TMX4: variants seen among roughly 807,000 people sequenced by gnomAD.
TMX4 encodes the protein thioredoxin-related transmembrane protein 4.
A neutral mutation model predicts 33.3 loss-of-function variants in TMX4; 23 were observed. That is an observed-to-expected ratio of 0.69 (90% CI 0.50 to 0.98). The LOEUF is 0.98. Among genes scored for constraint, TMX4 ranks in the 50% least tolerant of loss-of-function variants. The pLI, the probability that TMX4 is intolerant of heterozygous loss-of-function variation, is 0.00. For synonymous variants in TMX4, 164 were observed against 161.5 expected (o/e 1.02, Z -0.12); for missense variants, 399 against 448.9 (o/e 0.89, Z 1.01).
intron 1 of TMX4, among the ~76,000 whole-genome samples, chr20:8,015,991 A>G (rs1411480537): frequency 6.6e-6 from 1 of 152,192 alleles, no homozygotes; most frequent in Non-Finnish European, 1.5e-5. Flanking sequence ...CTTCTGGGGG[A>G]AAAAGCCACC....
chr20:8,010,207 T>C lies in TMX4; in HGVS notation c.285A>G (p.Gln95=). Residue 95 remains glutamine (Q), a synonymous_variant, in exon 2 of 8, where the codon CAA becomes CAG. Coordinates refer to ENST00000246024, the MANE Select transcript of TMX4 (RefSeq NM_021156.4). ...QISVGKVDVI[Q]EPGLSGRFFV... Reference sequence around the variant, plus strand: ...GTGCAACATTCACAGTACCTGGTTCTTGAATGACATCTACCTTCCCCACAC... The same window carrying C: ...GTGCAACATTCACAGTACCTGGTTCCTGAATGACATCTACCTTCCCCACAC... The C allele has an allele frequency of 6.2e-7, 1 of 1,606,412 alleles. No individual in the cohort carries two copies. Among genetic ancestry groups the C allele is most frequent in the Non-Finnish European group, 8.5e-7 (1 of 1,176,338 alleles).
At position 8,019,639 on chromosome 20, in the gene TMX4, G is replaced by T; in HGVS notation, c.-26C>A. On this transcript the variant is annotated 5_prime_UTR_variant, in exon 1 of 8. Transcript: ENST00000246024. The stretch of plus-strand genomic sequence containing the variant: ...GTTGGGCGCCGAGCGAGGCTTCTCG[G>T]CGGGGAGTGTGGGGAAGGGCAGCGG... 7.5e-7 allele frequency: 1 copy of T among 1,328,128 alleles called. No individual in the cohort carries two copies. Among genetic ancestry groups the T allele is most frequent in the Non-Finnish European group, 9.6e-7 (1 of 1,039,522 alleles). The allele number at this position is 1,328,128 out of a possible 1,614,324, so 82.3% of individuals were successfully genotyped here. A position where few individuals can be genotyped will look rare whatever the true frequency, so the allele number is the denominator to read the frequency against.
At chr20:8,010,678 A>T (rs1401903583) in intron 1 of TMX4, among the ~76,000 whole-genome samples, 1 of 152,154 alleles carries the variant, frequency 6.6e-6, no homozygotes, top group African/African-American at 2.4e-5. Context: ...CAATTTTCAC[A>T]GGGTGACCCT....
rs1568541302 is a variant in TMX4 at position 8,018,511 on chromosome 20, AGAGAGAGAGAGAGAGAG to A, written c.176+910_176+926del. The stretch of plus-strand genomic sequence containing the variant: ...GAGAGAGAGAGAGAGAGAGAGAGAG[AGAGAGAGAGAGAGAGAG>A]TCTGCAAGCCCACCATGATGGTCTC... On this transcript the variant is annotated intron_variant, in intron 1 of 7. Coordinates refer to ENST00000246024, the MANE Select transcript of TMX4 (RefSeq NM_021156.4). Among the ~76,000 whole-genome samples the A allele has an allele frequency of 8.2e-5, 4 of 48,874 alleles. 1 individual carries two copies. Among genetic ancestry groups the A allele is most frequent in the African/African-American group, 8.0e-4 (3 of 3,758 alleles). The allele number at this position is 48,874 out of a possible 152,430, so 32.1% of individuals were successfully genotyped here.
At position 7,978,527 on chromosome 20, in the gene TMX4, A is replaced by C. The variant is rs2122844557; in HGVS notation, c.*3724T>G. The C allele has an allele frequency of 6.6e-6, 1 of 152,332 alleles. No individual in the cohort carries two copies. The highest frequency in any genetic ancestry group is 2.1e-4 in the South Asian group (1 of 4,828). 9.4% of individuals were successfully genotyped at this position (152,332 alleles called of 1,614,324 possible). ...ATATTAGAACATCACAGCTGTCAACAAGGAATTTTGGCCATAAAAAGTCAA... is the reference window on the plus strand; with the variant it reads ...ATATTAGAACATCACAGCTGTCAACCAGGAATTTTGGCCATAAAAAGTCAA... On this transcript the variant is annotated 3_prime_UTR_variant, in exon 8 of 8. Coordinates refer to ENST00000246024, the MANE Select transcript of TMX4 (RefSeq NM_021156.4).
intron 2 of TMX4, among the ~76,000 whole-genome samples, chr20:8,002,260 G>C (rs1415411373): frequency 6.6e-6 from 1 of 152,154 alleles, no homozygotes; most frequent in Non-Finnish European, 1.5e-5. Context: ...CTTTGTTCCA[G>C]AGACTGTGGT....
chr20:7,986,327 A>G (rs4813847), intron 6 of TMX4, among the ~76,000 whole-genome samples: 87,060 of 152,050 alleles, frequency 0.57, 28,563 homozygotes, highest in East Asian at 0.94. Context: ...GCATGTTCAT[A>G]GAAAAGTCAA....
intron 6 of TMX4, among the ~76,000 whole-genome samples, chr20:7,984,470 G>T (rs1405986782): frequency 6.6e-6 from 1 of 151,992 alleles, no homozygotes; most frequent in Admixed American, 6.5e-5. Context: ...TGGTGGGTTG[G>T]AGAACAATAA....
At chr20:8,008,671 T>G (rs1427657336) in intron 2 of TMX4, among the ~76,000 whole-genome samples, 1 of 152,170 alleles carries the variant, frequency 6.6e-6, no homozygotes, top group South Asian at 2.1e-4. Flanking sequence ...AAGAAACCCA[T>G]CATAAAATGT....
At chr20:8,016,661 T>G (rs772979805) in intron 1 of TMX4, among the ~76,000 whole-genome samples, 31 of 152,080 alleles carry the variant, frequency 2.0e-4, no homozygotes, top group Non-Finnish European at 3.7e-4. Flanking sequence ...TCTATACCAA[T>G]ATAACCAGAA....
At chr20:8,005,782 G>A (rs956474003) in intron 2 of TMX4, among the ~76,000 whole-genome samples, 5 of 152,142 alleles carry the variant, frequency 3.3e-5, no homozygotes, top group South Asian at 4.1e-4. Flanking sequence ...GCAGAACAAC[G>A]GAAAGTTTGG....
At chr20:7,984,838 CAGTT>C (rs994793641) in intron 6 of TMX4, among the ~76,000 whole-genome samples, 1 of 151,730 alleles carries the variant, frequency 6.6e-6, no homozygotes, top group Non-Finnish European at 1.5e-5. Flanking sequence ...AATTTTGACT[CAGTT>C]GGTGAGATTA....
chr20:8,019,055 T>C, intron 1 of TMX4: 1 of 455,156 alleles, frequency 2.2e-6, no homozygotes, highest in South Asian at 1.6e-5. Context: ...AGCACACGGT[T>C]TGCTTGCAGA....
chr20:8,016,969 T>C (rs2050778129), intron 1 of TMX4, among the ~76,000 whole-genome samples: 1 of 144,776 alleles, frequency 6.9e-6, no homozygotes, highest in Non-Finnish European at 1.5e-5. Context: ...ATGCATTTTG[T>C]TTTTCTCTGT....
intron 1 of TMX4, among the ~76,000 whole-genome samples, chr20:8,017,194 G>A (rs1337107386): frequency 5.9e-5 from 9 of 152,116 alleles, no homozygotes; most frequent in Non-Finnish European, 1.0e-4. Context: ...TCTTCAGGAT[G>A]AGCACTTGGG....
rs1363088407 is a variant in TMX4, at chr20:8,002,846, A to T, written c.293-1305T>A. Among the ~76,000 whole-genome samples, 4 of 152,326 alleles carry T rather than the reference A, an allele frequency of 2.6e-5. No individual in the cohort carries two copies. The South Asian group carries it at 8.3e-4, about 32-fold the overall frequency. The stretch of plus-strand genomic sequence containing the variant: ...TTTCAGACCAAGTGGATTCCAAAAC[A>T]TCTCAATTGTATTTAAAAGGAAACA... On this transcript the variant is annotated intron_variant, in intron 2 of 7. Coordinates refer to ENST00000246024, the MANE Select transcript of TMX4 (RefSeq NM_021156.4).
chr20:8,006,149 G>A (rs911724037), intron 2 of TMX4, among the ~76,000 whole-genome samples: 6 of 141,338 alleles, frequency 4.2e-5, no homozygotes, highest in African/African-American at 1.7e-4. Flanking sequence ...CCCACAGCCT[G>A]CCCGTCTGCA....
intron 5 of TMX4, among the ~76,000 whole-genome samples, chr20:7,987,845 T>A (rs2050637491): frequency 1.3e-5 from 2 of 151,918 alleles, no homozygotes; most frequent in African/African-American, 4.8e-5. Context: ...AGACTCTCAT[T>A]GCTCTACACC....
chr20:7,998,545 T>G (rs1361019078), intron 4 of TMX4, among the ~76,000 whole-genome samples: 1 of 152,146 alleles, frequency 6.6e-6, no homozygotes, highest in East Asian at 1.9e-4. Context: ...TTGTGTGTGC[T>G]GATCACTTCC....
Sources: allele counts gnomAD v4.1 joint callset (sites outside exome capture counted in the v4.1 genomes callset), GRCh38; gene constraint gnomAD v4.1.1; transcripts MANE v1.5; gene names NCBI Gene and HGNC (gene_info 2026-07-23, HGNC 2026-07-21).